The following EVI5 variants were observed in gnomAD, a reference collection of about 807,000 sequenced individuals.
EVI5 encodes the protein ecotropic viral integration site 5 protein homolog.
A neutral mutation model predicts 112.0 loss-of-function variants in EVI5; 73 were observed. The observed-to-expected ratio is 0.65, with a 90% CI of 0.54 to 0.79. The LOEUF is 0.79. EVI5 is among the 30% of genes least tolerant of loss of function. EVI5 has a pLI of 0.00. For missense variants in EVI5, 900 were observed against 968.8 expected (o/e 0.93, Z 0.94); for synonymous variants, 305 against 319.9 (o/e 0.95, Z 0.50).
rs1166401395 is a variant in EVI5, at chr1:92,509,012, A to C, written c.*4644T>G. ...TTTTGTTAATAATAGAGCAGCAGTA[A>C]CTTTCAAGCTAAAACTCATTGTTTT... On this transcript the variant is annotated 3_prime_UTR_variant, in exon 20 of 20. Coordinates refer to ENST00000684568, the MANE Select transcript of EVI5 (RefSeq NM_001350197.2). 1 of 152,208 alleles carries C rather than the reference A, an allele frequency of 6.6e-6. No individual in the cohort carries two copies. Among genetic ancestry groups the C allele is most frequent in the Non-Finnish European group, 1.5e-5 (1 of 68,030 alleles). The allele number at this position is 152,208 out of a possible 1,614,324, so 9.4% of individuals were successfully genotyped here.
chr1:92,574,145 G>T lies in EVI5; in HGVS notation c.2071-10408C>A, dbSNP rs563518900. Among the ~76,000 whole-genome samples, 4 of 152,102 alleles carry T rather than the reference G, an allele frequency of 2.6e-5. No homozygotes were observed. The South Asian group carries it at 8.3e-4, about 32-fold the overall frequency. On this transcript the variant is annotated intron_variant, in intron 18 of 19. Transcript: ENST00000684568. ...CCTGGATTGTTTGATAACGACCTAC[G>T]CACACACATTCACTTGTTTTATCCC...
intron 14 of EVI5, among the ~76,000 whole-genome samples, chr1:92,630,623 G>C (rs1656826148): frequency 6.6e-6 from 1 of 151,872 alleles, no homozygotes; most frequent in African/African-American, 2.4e-5. Flanking sequence ...TAGGTTGCCT[G>C]TTCACTCTGA....
At chr1:92,592,684 A>G (rs1051822900) in intron 18 of EVI5, among the ~76,000 whole-genome samples, 1 of 152,178 alleles carries the variant, frequency 6.6e-6, no homozygotes, top group Non-Finnish European at 1.5e-5. Context: ...AAGACTAATA[A>G]AGAAGAAAAG....
chr1:92,633,887 A>G (rs563732754), intron 14 of EVI5, among the ~76,000 whole-genome samples: 5 of 152,192 alleles, frequency 3.3e-5, no homozygotes, highest in East Asian at 3.9e-4. Context: ...TGGTGACAAA[A>G]TCTCTCACCA....
chr1:92,641,835 T>C (rs1188826197), intron 13 of EVI5, among the ~76,000 whole-genome samples: 1 of 152,072 alleles, frequency 6.6e-6, no homozygotes, highest in Non-Finnish European at 1.5e-5. Context: ...TACACTAAAA[T>C]TGTTGAAAAA....
Position 92,739,265 on chromosome 1 carries a change from C to G in EVI5, c.-81-2638G>C, listed in dbSNP as rs534628173. Among the ~76,000 whole-genome samples, 8 of 121,992 alleles carry G rather than the reference C, an allele frequency of 6.6e-5. No individual in the cohort carries two copies. The East Asian group carries it at 1.6e-3, about 25-fold the overall frequency. The allele number at this position is 121,992 out of a possible 152,430, so 80.0% of individuals were successfully genotyped here. ...TCCAGCCTGAGCAACAAAAGCGAAA[C>G]TCCGTCTCAAAAAAAAAAAAAAAAA... is the stretch of plus-strand genomic sequence containing the variant. On this transcript the variant is annotated intron_variant, in intron 1 of 19. Transcript: ENST00000684568.
chr1:92,569,519 G>A (rs1010572936), intron 18 of EVI5, among the ~76,000 whole-genome samples: 7 of 152,048 alleles, frequency 4.6e-5, no homozygotes, highest in Admixed American at 2.6e-4. Flanking sequence ...CCATTTACAT[G>A]CGCTTATGTC....
chr1:92,607,788 T>A (rs539948996), intron 16 of EVI5, 61 bp from the exon 17 acceptor site: 35 of 1,131,298 alleles, frequency 3.1e-5, no homozygotes, highest in Middle Eastern at 2.1e-4. Context: ...TTAAAAAAAA[T>A]TACCTATCCA....
intron 18 of EVI5, among the ~76,000 whole-genome samples, chr1:92,587,110 T>A (rs905924139): frequency 6.6e-6 from 1 of 152,084 alleles, no homozygotes; most frequent in African/African-American, 2.4e-5. Flanking sequence ...AATTTAACTG[T>A]GTACTGAAGT....
chr1:92,532,127 G>C (rs1662972789), intron 19 of EVI5, among the ~76,000 whole-genome samples: 1 of 151,972 alleles, frequency 6.6e-6, no homozygotes, highest in Non-Finnish European at 1.5e-5. Context: ...AAAAAGCAGG[G>C]GTTGCAATCC....
chr1:92,635,841 T>A (rs567596503), intron 14 of EVI5, among the ~76,000 whole-genome samples: 1 of 152,310 alleles, frequency 6.6e-6, no homozygotes, highest in African/African-American at 2.4e-5. Flanking sequence ...TTAGTCCTAT[T>A]CTATCTCTTC....
chr1:92,700,578 C>G (rs1349016380), intron 5 of EVI5, among the ~76,000 whole-genome samples: 9 of 152,104 alleles, frequency 5.9e-5, no homozygotes. Context: ...AAGTTAATAT[C>G]TCTACCACCA....
At chr1:92,668,089 T>C (rs1250934315) in intron 10 of EVI5, among the ~76,000 whole-genome samples, 1 of 152,192 alleles carries the variant, frequency 6.6e-6, no homozygotes. Context: ...TTATATAACA[T>C]ATAAAGTATT....
At chr1:92,639,409 T>A (rs889541619) in intron 13 of EVI5, among the ~76,000 whole-genome samples, 11 of 150,720 alleles carry the variant, frequency 7.3e-5, no homozygotes, top group Middle Eastern at 3.4e-3. Flanking sequence ...TTAAAAAAAA[T>A]TTCAATATTT....
intron 1 of EVI5, among the ~76,000 whole-genome samples, chr1:92,753,728 CCTAATTTTGGAAT>C (rs1255015708): frequency 6.6e-6 from 1 of 151,982 alleles, no homozygotes; most frequent in East Asian, 1.9e-4. Context: ...CAAAATTACA[CCTAATTTTGGAAT>C]CTAATTTTGG....
At chr1:92,586,212 G>A (rs1469176115) in intron 18 of EVI5, among the ~76,000 whole-genome samples, 2 of 152,104 alleles carry the variant, frequency 1.3e-5, no homozygotes, top group Non-Finnish European at 1.5e-5. Context: ...TTTCTCCACT[G>A]TAAAGTTACT....
At chr1:92,561,446 C>A (rs1037967948) in intron 19 of EVI5, among the ~76,000 whole-genome samples, 2 of 151,848 alleles carry the variant, frequency 1.3e-5, no homozygotes, top group Non-Finnish European at 2.9e-5. Flanking sequence ...GATTAATTTT[C>A]TTTTCATGTT....
intron 1 of EVI5, among the ~76,000 whole-genome samples, chr1:92,782,312 G>GA (rs562584280): frequency 0.024 from 3,562 of 150,480 alleles, 71 homozygotes; most frequent in Non-Finnish European, 0.038. Flanking sequence ...CTCCAGGCAT[G>GA]AAAAAAAACA....
chr1:92,613,065 G>A (rs986490583), intron 16 of EVI5, among the ~76,000 whole-genome samples: 1 of 152,142 alleles, frequency 6.6e-6, no homozygotes, highest in Non-Finnish European at 1.5e-5. Context: ...ATAGGAAGGC[G>A]CTAAACCTTG....
Sources: allele counts gnomAD v4.1 joint callset (sites outside exome capture counted in the v4.1 genomes callset), GRCh38; gene constraint gnomAD v4.1.1; transcripts MANE v1.5; gene names NCBI Gene and HGNC (gene_info 2026-07-23, HGNC 2026-07-21).